MED23: variants seen among roughly 807,000 people sequenced by gnomAD.
MED23 encodes the protein mediator complex subunit 23.
In MED23, 105 loss-of-function variants were observed where a neutral mutation model predicts 163.9. The observed-to-expected ratio is 0.64, with a 90% CI of 0.55 to 0.75. The LOEUF (loss-of-function observed/expected upper bound fraction) is 0.75. MED23 is among the 30% of genes least tolerant of loss of function. The pLI is 0.00. For synonymous variants in MED23, 561 were observed against 565.6 expected (o/e 0.99, Z 0.12); for missense variants, 1,054 against 1,649.0 (o/e 0.64, Z 6.25).
Position 131,586,822 on chromosome 6 carries a change from A to G in MED23, c.*857T>C, listed in dbSNP as rs1461875664. The stretch of plus-strand genomic sequence containing the variant: ...AATGCCAATTCCCCCAAAATTAACA[A>G]TGTCTCTCAAAATCCAAGAAATAAA... On this transcript the variant is annotated 3_prime_UTR_variant, in exon 29 of 29. Coordinates refer to ENST00000368068, the MANE Select transcript of MED23 (RefSeq NM_004830.4). 1.3e-6 allele frequency: 2 copies of G among 1,518,464 alleles called. No homozygotes were observed. Among genetic ancestry groups the G allele is most frequent in the Non-Finnish European group, 8.9e-7 (1 of 1,125,306 alleles). The allele number at this position is 1,518,464 out of a possible 1,614,324, so 94.1% of individuals were successfully genotyped here.
At chr6:131,609,995 A>C (rs746282151) in intron 11 of MED23, 51 bp downstream of exon 11, 6 of 1,547,912 alleles carry the variant, frequency 3.9e-6, no homozygotes, top group Non-Finnish European at 5.4e-6. Flanking sequence ...GCAGTCTAAA[A>C]TACAGTAATC....
Position 131,620,643 on chromosome 6 carries a change from G to T in MED23, c.582C>A (p.Gly194=). 3 of 1,610,802 alleles carry T rather than the reference G, an allele frequency of 1.9e-6. No homozygotes were observed. The highest frequency in any genetic ancestry group is 1.7e-5 in the Admixed American group (1 of 59,980). ...VTEIRKLYPE[G]KLPHWLLGNL... ...TAAAATTTACCCAGTGTGGAAGTTTGCCTTCAGGATACAGTTTCCTGATCT... is the reference window on the plus strand; with the variant it reads ...TAAAATTTACCCAGTGTGGAAGTTTTCCTTCAGGATACAGTTTCCTGATCT... Residue 194 remains glycine (G), a synonymous_variant, in exon 7 of 29, where the codon GGC becomes GGA. Coordinates refer to ENST00000368068, the MANE Select transcript of MED23 (RefSeq NM_004830.4).
chr6:131,602,609 T>C (rs1235554736), intron 16 of MED23, among the ~76,000 whole-genome samples: 1 of 152,186 alleles, frequency 6.6e-6, no homozygotes, highest in Admixed American at 6.5e-5. Flanking sequence ...GCTTGTCGCC[T>C]ATAGGACTAA....
chr6:131,603,966 C>T (rs1307813476), intron 15 of MED23, among the ~76,000 whole-genome samples: 3 of 152,136 alleles, frequency 2.0e-5, no homozygotes, highest in Non-Finnish European at 2.9e-5. Context: ...AACAAACCCC[C>T]CAACCCTCAC....
In MED23 at chr6:131,596,538, T is replaced by C; in HGVS notation, c.2758A>G (p.Lys920Glu). The change falls in exon 21 of 29, where the codon AAG (lysine) becomes GAG (glutamate). Residue 920 changes from lysine to glutamate, a missense_variant. Physicochemically the swap from Lys to Glu is moderately conservative, Grantham distance 56. Coordinates refer to ENST00000368068, the MANE Select transcript of MED23 (RefSeq NM_004830.4). ...AGTACCTTGTGATAATTCATGTGCT[T>C]GGTGTGCCAGTCATTCTGTAACCAG... is the stretch of plus-strand genomic sequence containing the variant. ...EHWLQNDWHT[K>E]HMNYHKKYPE... 6.2e-7 allele frequency: 1 copy of C among 1,614,178 alleles called. No individual in the cohort carries two copies. The highest frequency in any genetic ancestry group is 8.5e-7 in the Non-Finnish European group (1 of 1,180,016).
Position 131,602,336 on chromosome 6 carries a change from T to C in MED23, c.1977A>G (p.Ser659=), listed in dbSNP as rs1156284676. 3.1e-6 allele frequency: 5 copies of C among 1,611,608 alleles called. No homozygotes were observed. The highest frequency in any genetic ancestry group is 1.1e-5 in the South Asian group (1 of 91,024). ...ALRLITALGS[S]EVQPQFTRFL... ...AGCGTGTAAACTGCGGTTGTACCTCTGAGCTACCTAATGCTGTTATAAGCC... is the reference window on the plus strand; with the variant it reads ...AGCGTGTAAACTGCGGTTGTACCTCCGAGCTACCTAATGCTGTTATAAGCC... Residue 659 remains serine, a synonymous_variant, in exon 17 of 29, where the codon TCA becomes TCG. Coordinates refer to ENST00000368068, the MANE Select transcript of MED23 (RefSeq NM_004830.4).
intron 13 of MED23, 64 bp from the exon 14 acceptor site, chr6:131,605,549 T>C: frequency 7.0e-7 from 1 of 1,420,866 alleles, no homozygotes; most frequent in Non-Finnish European, 9.4e-7. Context: ...TAATTTGTAT[T>C]TTTTTAAAAG....
chr6:131,608,918 T>C (rs1468892596), intron 11 of MED23, among the ~76,000 whole-genome samples: 1 of 152,198 alleles, frequency 6.6e-6, no homozygotes, highest in African/African-American at 2.4e-5. Context: ...GTCTCCCTTT[T>C]TTGGATTCAT....
At position 131,598,630 on chromosome 6, in the gene MED23, G is replaced by A. The variant is rs1289736387; in HGVS notation, c.2352C>T (p.Gly784=). The change falls in exon 19 of 29, where the codon GGC becomes GGT. Residue 784 remains glycine (G), a synonymous_variant. Coordinates refer to ENST00000368068, the MANE Select transcript of MED23 (RefSeq NM_004830.4). This position sits in a 1 kb window ranked among gnomAD's most constrained non-coding sequence, Gnocchi z 4.7. ...NDIITHFSMQ[G]SPPLFLCLLW... is the part of the protein sequence containing the mutation. Reference sequence around the variant, plus strand: ...GAAGACAAAGAAAGAGAGGAGGGGAGCCCTGCATAGAGAAGTGGGTAATAA... The same window carrying A: ...GAAGACAAAGAAAGAGAGGAGGGGAACCCTGCATAGAGAAGTGGGTAATAA... 4 of 1,613,986 alleles carry A rather than the reference G, an allele frequency of 2.5e-6. No homozygotes were observed. Among genetic ancestry groups the A allele is most frequent in the Non-Finnish European group, 2.5e-6 (3 of 1,180,012 alleles).
At chr6:131,582,093 C>T (rs1243035617), downstream of MED23, among the ~76,000 whole-genome samples, 1 of 152,100 alleles carries the variant, frequency 6.6e-6, no homozygotes, top group Non-Finnish European at 1.5e-5. Context: ...TTAAAACCTC[C>T]TTATGTTAAA....
chr6:131,608,450 G>A (rs1351834296), intron 11 of MED23, among the ~76,000 whole-genome samples: 1 of 151,892 alleles, frequency 6.6e-6, no homozygotes, highest in Non-Finnish European at 1.5e-5. Flanking sequence ...TCAAAACCTG[G>A]GGAATACTCT....
At chr6:131,589,934 C>T (rs994327556) in intron 27 of MED23, among the ~76,000 whole-genome samples, 1 of 152,164 alleles carries the variant, frequency 6.6e-6, no homozygotes, top group African/African-American at 2.4e-5. Context: ...TTGGATTATA[C>T]TTTCTTAGTT....
rs1776660663 is a variant in MED23 at position 131,615,967 on chromosome 6, A to T, written c.816T>A (p.Tyr272Ter). The change falls in exon 10 of 29, where the codon TAT becomes TAA. Residue 272 changes from tyrosine to a stop codon, truncating the protein, a stop_gained. Coordinates refer to ENST00000368068, the MANE Select transcript of MED23 (RefSeq NM_004830.4). LOFTEE classifies it high-confidence loss of function. ...LFEPQTALLR[Y>*]VLEQPYSRDM... ...CCCTGGAATAAGGCTGCTCCAATAC[A>T]TATCTCAACAAAGCAGTCTGTGGTT... 6.2e-7 allele frequency: 1 copy of T among 1,613,730 alleles called. No individual in the cohort carries two copies. Among genetic ancestry groups the T allele is most frequent in the Admixed American group, 1.7e-5 (1 of 59,966 alleles).
intron 18 of MED23, among the ~76,000 whole-genome samples, chr6:131,599,672 T>C (rs1775320776): frequency 6.6e-6 from 1 of 152,166 alleles, no homozygotes; most frequent in Admixed American, 6.5e-5. Context: ...ACCATAATAA[T>C]TAAATTTTTA....
chr6:131,593,096 T>C lies in MED23; in HGVS notation c.3308A>G (p.His1103Arg), dbSNP rs775726173. 1 of 1,614,202 alleles carries C rather than the reference T, an allele frequency of 6.2e-7. No homozygotes were observed. Among genetic ancestry groups the C allele is most frequent in the Non-Finnish European group, 8.5e-7 (1 of 1,180,030 alleles). ...CTCCACACAAGTAACATGGAGAGCATGGGCAGCTGGGTTGGGAAACTCATT... is the reference window on the plus strand; with the variant it reads ...CTCCACACAAGTAACATGGAGAGCACGGGCAGCTGGGTTGGGAAACTCATT... ...RFNEFPNPAA[H>R]ALHVTCVELM... Residue 1103 changes from histidine (H) to arginine (R), a missense_variant, in exon 24 of 29, where the codon CAT (histidine) becomes CGT (arginine). By Grantham distance (29) the His-to-Arg change is conservative. This residue lies in a region of MED23 where 362 missense variants were observed against 471.6 expected (regional missense o/e 0.77). Transcript: ENST00000368068.
At chr6:131,593,224 T>C (rs1774780235) in intron 23 of MED23, 53 bp from the exon 24 acceptor site, 2 of 1,602,784 alleles carry the variant, frequency 1.2e-6, no homozygotes, top group African/African-American at 2.7e-5. Flanking sequence ...ATTGTCAATT[T>C]ATCTGATTAT....
downstream of MED23, among the ~76,000 whole-genome samples, chr6:131,582,898 T>C (rs1774008692): frequency 6.6e-6 from 1 of 152,164 alleles, no homozygotes; most frequent in South Asian, 2.1e-4. Flanking sequence ...TAAATCTCAA[T>C]TGACTTGCTG....
chr6:131,586,813 A>G lies in MED23; in HGVS notation c.*866T>C. 3 of 1,518,196 alleles carry G rather than the reference A, an allele frequency of 2.0e-6. No homozygotes were observed. The highest frequency in any genetic ancestry group is 2.7e-6 in the Non-Finnish European group (3 of 1,126,714). 94.0% of individuals were successfully genotyped at this position (1,518,196 alleles called of 1,614,324 possible). A position where few individuals can be genotyped will look rare whatever the true frequency, so the allele number is the denominator to read the frequency against. On this transcript the variant is annotated 3_prime_UTR_variant, in exon 29 of 29. Transcript: ENST00000368068. ...GTCTTTCGCAATGCCAATTCCCCCA[A>G]AATTAACAATGTCTCTCAAAATCCA...
rs753626985 is a variant in MED23, at chr6:131,595,932, T to C, written c.2995+15A>G. 12 of 1,601,488 alleles carry C rather than the reference T, an allele frequency of 7.5e-6. No individual in the cohort carries two copies. The African/African-American group carries it at 1.3e-4, about 18-fold the overall frequency. Reference sequence around the variant, plus strand: ...ATGGAGGTATTAGACGAAATTAAAATTGGAAAAAGCTCACCATGAAATTTA... The same window carrying C: ...ATGGAGGTATTAGACGAAATTAAAACTGGAAAAAGCTCACCATGAAATTTA... On this transcript the variant is annotated intron_variant, in intron 22 of 28. Transcript: ENST00000368068.
Sources: allele counts gnomAD v4.1 joint callset (sites outside exome capture counted in the v4.1 genomes callset), GRCh38; gene constraint gnomAD v4.1.1; regional missense constraint gnomAD v4.1.1; non-coding constraint Gnocchi (gnomAD v3.1); transcripts MANE v1.5; gene names NCBI Gene and HGNC (gene_info 2026-07-23, HGNC 2026-07-21).